CEACAM21: variants seen among roughly 807,000 people sequenced by gnomAD.
CEACAM21 encodes CEA cell adhesion molecule 21.
A neutral mutation model predicts 33.2 loss-of-function variants in CEACAM21; 38 were observed. That is an observed-to-expected ratio of 1.14 (90% CI 0.88 to 1.50). The LOEUF is 1.50. Among genes scored for constraint, CEACAM21 ranks in the 40% most tolerant of loss-of-function variants. CEACAM21 has a pLI of 0.00. For synonymous variants in CEACAM21, 156 were observed against 143.0 expected (o/e 1.09, Z -0.65); for missense variants, 385 against 364.6 (o/e 1.06, Z -0.46).
chr19:41,585,408 C>A, intron 4 of CEACAM21, 35 bp from the exon 5 acceptor site: 1 of 1,612,270 alleles, frequency 6.2e-7, no homozygotes, highest in Non-Finnish European at 8.5e-7. Flanking sequence ...GACTTTTAAC[C>A]TTGCACCTTC....
At chr19:41,585,630 A>G (rs1016307877) in intron 5 of CEACAM21, 135 bp downstream of exon 5, 17 of 1,129,512 alleles carry the variant, frequency 1.5e-5, no homozygotes, top group African/African-American at 3.1e-5. Flanking sequence ...AACATCACAC[A>G]GGAAACCCCA....
At chr19:41,574,992 A>T (rs1202917721), upstream of CEACAM21, among the ~76,000 whole-genome samples, 1 of 152,238 alleles carries the variant, frequency 6.6e-6, no homozygotes, top group Non-Finnish European at 1.5e-5. Context: ...ATATATTGGG[A>T]TATTACTCAG....
chr19:41,571,455 G>A, upstream of CEACAM21, among the ~76,000 whole-genome samples: 1 of 152,132 alleles, frequency 6.6e-6, no homozygotes, highest in Admixed American at 6.5e-5. Flanking sequence ...TACAAAGTGG[G>A]ACATGGGGGA....
At chr19:41,576,143 T>C, upstream of CEACAM21, 1 of 1,061,040 alleles carries the variant, frequency 9.4e-7, no homozygotes, top group Non-Finnish European at 1.4e-6. Flanking sequence ...CGGGAAGTGC[T>C]CCTGCCTGAG....
chr19:41,578,400 G>A (rs1334077668), intron 2 of CEACAM21, among the ~76,000 whole-genome samples: 3 of 151,222 alleles, frequency 2.0e-5, no homozygotes, highest in Non-Finnish European at 4.4e-5. Flanking sequence ...ATATTTTAAT[G>A]TTAATTTACA....
chr19:41,581,297 T>C (rs927094762), intron 3 of CEACAM21, among the ~76,000 whole-genome samples: 1 of 152,252 alleles, frequency 6.6e-6, no homozygotes, highest in African/African-American at 2.4e-5. Context: ...GCCCAACCTA[T>C]TCCTTTAATT....
intron 4 of CEACAM21, 24 bp downstream of exon 4, chr19:41,584,467 G>T (rs370515100): frequency 8.2e-6 from 13 of 1,583,592 alleles, no homozygotes; most frequent in African/African-American, 1.3e-5. Flanking sequence ...TCCCCATTCT[G>T]CTCCCATCCT....
chr19:41,580,065 C>G (rs782433277), intron 3 of CEACAM21, among the ~76,000 whole-genome samples: 1 of 152,196 alleles, frequency 6.6e-6, no homozygotes, highest in Non-Finnish European at 1.5e-5. Context: ...TGTTGTATCA[C>G]TTTCACTTAC....
chr19:41,562,762 G>A (rs1347940076), intron 1 of CEACAM21, among the ~76,000 whole-genome samples: 1 of 151,344 alleles, frequency 6.6e-6, no homozygotes, highest in Non-Finnish European at 1.5e-5. Flanking sequence ...AGAGTCTGGC[G>A]CTGTCGCCCA....
intron 4 of CEACAM21, 39 bp downstream of exon 4, chr19:41,584,482 G>A (rs781833242): frequency 3.0e-5 from 46 of 1,548,276 alleles, no homozygotes; most frequent in Non-Finnish European, 3.5e-5. Flanking sequence ...CATCCTTCAC[G>A]CTGACCCCAG....
chr19:41,581,049 C>G (rs1226143907), intron 3 of CEACAM21, among the ~76,000 whole-genome samples: 3 of 152,188 alleles, frequency 2.0e-5, no homozygotes, highest in Admixed American at 1.3e-4. Context: ...GGGAGCAAGC[C>G]CCCCAAAATC....
Position 41,577,425 on chromosome 19 carries a change from G to T in CEACAM21, c.290G>T (p.Gly97Val), listed in dbSNP as rs1555791671. Residue 97 changes from glycine (G) to valine (V), a missense_variant, in exon 2 of 7, where the codon GGT becomes GTT. By Grantham distance (109) the Gly-to-Val change is moderately radical. Coordinates refer to ENST00000401445, the MANE Select transcript of CEACAM21 (RefSeq NM_001098506.4). ...HVRTPGPAYS[G>V]RETISPSGDL... ...AGGACTCCAGGGCCTGCATACAGCGGTCGAGAGACAATATCACCCAGTGGA... is the reference window on the plus strand; with the variant it reads ...AGGACTCCAGGGCCTGCATACAGCGTTCGAGAGACAATATCACCCAGTGGA... 1.2e-6 allele frequency: 2 copies of T among 1,614,162 alleles called. No individual in the cohort carries two copies. The highest frequency in any genetic ancestry group is 4.5e-5 in the East Asian group (2 of 44,886).
chr19:41,579,088 T>A (rs2043172035), intron 2 of CEACAM21, among the ~76,000 whole-genome samples: 1 of 152,140 alleles, frequency 6.6e-6, no homozygotes. Flanking sequence ...GCATCTCATG[T>A]GACTCTGGGG....
intron 3 of CEACAM21, among the ~76,000 whole-genome samples, chr19:41,583,952 C>G (rs1159948226): frequency 6.6e-6 from 1 of 152,166 alleles, no homozygotes; most frequent in Non-Finnish European, 1.5e-5. Flanking sequence ...TGGAAGGCCC[C>G]TGAAAACAGT....
intron 5 of CEACAM21, 38 bp from the exon 6 acceptor site, chr19:41,585,802 C>A (rs1600303626): frequency 6.2e-7 from 1 of 1,605,778 alleles, no homozygotes; most frequent in East Asian, 2.2e-5. Context: ...GCCCAGCTAT[C>A]CTAACACTCT....
chr19:41,572,175 A>G (rs187814764), upstream of CEACAM21, among the ~76,000 whole-genome samples: 2 of 152,346 alleles, frequency 1.3e-5, no homozygotes, highest in East Asian at 3.9e-4. Context: ...GTGAACTAGA[A>G]GAATAAAACA....
intron 3 of CEACAM21, among the ~76,000 whole-genome samples, chr19:41,583,611 G>C (rs746400126): frequency 2.0e-5 from 3 of 152,178 alleles, no homozygotes; most frequent in African/African-American, 4.8e-5. Flanking sequence ...AAGGTGAAAG[G>C]CATGTCTTAC....
chr19:41,584,275 T>C (rs1401943451), intron 3 of CEACAM21, 72 bp from the exon 4 acceptor site: 1 of 1,306,430 alleles, frequency 7.7e-7, no homozygotes, highest in South Asian at 1.2e-5. Context: ...ACCATGCCCC[T>C]GCCCTGCAAG....
upstream of CEACAM21, among the ~76,000 whole-genome samples, chr19:41,574,257 T>C (rs879974775): frequency 2.6e-5 from 4 of 152,166 alleles, no homozygotes; most frequent in Non-Finnish European, 4.4e-5. Flanking sequence ...GAAGAACATA[T>C]AGGAGTAAAA....
Sources: gnomAD v4.1 joint callset for allele counts (sites outside exome capture counted in the v4.1 genomes callset) on GRCh38, gnomAD v4.1.1 for gene constraint, MANE v1.5 for transcripts, NCBI Gene and HGNC (gene_info 2026-07-23, HGNC 2026-07-21) for gene names.